Variants in OR51B5 observed in about 807,000 individuals in gnomAD.
OR51B5 encodes olfactory receptor family 51 subfamily B member 5.
For synonymous variants in OR51B5, 186 were observed against 144.8 expected (o/e 1.28, Z -2.04); for missense variants, 456 against 374.6 (o/e 1.22, Z -1.79).
chr11:5,363,687 G>C (rs1415102043), intron 1 of OR51B5, among the ~76,000 whole-genome samples: 2 of 152,108 alleles, frequency 1.3e-5, no homozygotes, highest in Non-Finnish European at 2.9e-5. Flanking sequence ...CTGCCATTTG[G>C]CCATTTGCTT....
intron 1 of OR51B5, among the ~76,000 whole-genome samples, chr11:5,447,417 T>C (rs1268203291): frequency 6.6e-6 from 1 of 152,224 alleles, no homozygotes; most frequent in East Asian, 1.9e-4. Flanking sequence ...TAACCCCACC[T>C]TTGGCTTTCC....
intron 1 of OR51B5, among the ~76,000 whole-genome samples, chr11:5,478,132 C>A (rs955107821): frequency 1.3e-5 from 2 of 151,494 alleles, no homozygotes; most frequent in African/African-American, 2.4e-5. Flanking sequence ...TTGAAGAGAG[C>A]AGTGGTTCTC....
intron 1 of OR51B5, among the ~76,000 whole-genome samples, chr11:5,393,685 T>C (rs575417944): frequency 6.6e-6 from 1 of 152,310 alleles, no homozygotes; most frequent in Admixed American, 6.5e-5. Flanking sequence ...TGAGTACTTT[T>C]TATTTTCATT....
At chr11:5,471,535 C>T (rs1204851615) in intron 1 of OR51B5, among the ~76,000 whole-genome samples, 2 of 151,514 alleles carry the variant, frequency 1.3e-5, no homozygotes, top group African/African-American at 4.9e-5. Flanking sequence ...ACTCGGGAGT[C>T]TGAGGCAGTA....
chr11:5,470,892 C>A (rs1162122689), intron 1 of OR51B5, among the ~76,000 whole-genome samples: 2 of 152,122 alleles, frequency 1.3e-5, no homozygotes, highest in African/African-American at 2.4e-5. Flanking sequence ...CTAATTCATT[C>A]GACACAAAGC....
At chr11:5,445,663 T>A (rs1300081315) in intron 1 of OR51B5, among the ~76,000 whole-genome samples, 1 of 151,414 alleles carries the variant, frequency 6.6e-6, no homozygotes, top group Non-Finnish European at 1.5e-5. Flanking sequence ...AAATATGTTA[T>A]AAACATATTT....
intron 1 of OR51B5, among the ~76,000 whole-genome samples, chr11:5,497,132 G>A (rs924497047): frequency 3.9e-5 from 6 of 152,178 alleles, no homozygotes; most frequent in African/African-American, 1.4e-4. Flanking sequence ...ACTTGAAGAT[G>A]TTTCTCAGCT....
At chr11:5,464,609 C>T (rs1168107127) in intron 1 of OR51B5, among the ~76,000 whole-genome samples, 1 of 151,906 alleles carries the variant, frequency 6.6e-6, no homozygotes, top group African/African-American at 2.4e-5. Context: ...CTACAAAGGA[C>T]ATGAACTCAT....
intron 1 of OR51B5, among the ~76,000 whole-genome samples, chr11:5,395,547 T>G (rs925022652): frequency 2.6e-5 from 4 of 152,198 alleles, no homozygotes; most frequent in African/African-American, 9.6e-5. Flanking sequence ...GTTACTGGGC[T>G]ATGCCTTGTA....
At chr11:5,459,669 A>G (rs1851017218) in intron 1 of OR51B5, among the ~76,000 whole-genome samples, 1 of 152,104 alleles carries the variant, frequency 6.6e-6, no homozygotes, top group African/African-American at 2.4e-5. Context: ...GCAAGTCAAA[A>G]CCACAATGGG....
chr11:5,434,741 A>G (rs1375594394), intron 1 of OR51B5, among the ~76,000 whole-genome samples: 2 of 152,178 alleles, frequency 1.3e-5, no homozygotes, highest in African/African-American at 4.8e-5. Context: ...CCAGAGGGGC[A>G]ATTTCTTCAC....
chr11:5,418,465 G>C (rs1470144894), intron 1 of OR51B5, among the ~76,000 whole-genome samples: 2 of 151,356 alleles, frequency 1.3e-5, no homozygotes, highest in Admixed American at 6.6e-5. Context: ...AACAAAAAAA[G>C]CACCGAACCA....
At chr11:5,423,462 G>A (rs888353900) in intron 1 of OR51B5, among the ~76,000 whole-genome samples, 2 of 152,030 alleles carry the variant, frequency 1.3e-5, no homozygotes, top group East Asian at 1.9e-4. Flanking sequence ...TCTCTCCTAC[G>A]GGCTTGTTTA....
chr11:5,343,352 T>G (rs1303938214), exon 1 of OR51B5: 1 of 1,612,928 alleles, frequency 6.2e-7, no homozygotes, highest in African/African-American at 1.3e-5. Context: ...CAGAAAGAAG[T>G]ACATGGGCTC....
chr11:5,415,378 G>A (rs1191444334), intron 1 of OR51B5, among the ~76,000 whole-genome samples: 3 of 150,842 alleles, frequency 2.0e-5, no homozygotes, highest in Non-Finnish European at 3.0e-5. Flanking sequence ...AGAAAAGCAA[G>A]AGCAAACATA....
chr11:5,458,146 A>ATTT (rs1850989126), intron 1 of OR51B5, among the ~76,000 whole-genome samples: 1 of 152,150 alleles, frequency 6.6e-6, no homozygotes, highest in African/African-American at 2.4e-5. Context: ...ATTTTTGTGT[A>ATTT]TGATGAAAGG....
At chr11:5,504,107 A>T in intron 1 of OR51B5, among the ~76,000 whole-genome samples, 1 of 152,346 alleles carries the variant, frequency 6.6e-6, no homozygotes. Flanking sequence ...TAAAATTAAT[A>T]TTAAATAAAT....
At chr11:5,387,173 A>G (rs549007562) in intron 1 of OR51B5, among the ~76,000 whole-genome samples, 2 of 152,344 alleles carry the variant, frequency 1.3e-5, no homozygotes, top group African/African-American at 4.8e-5. Context: ...AAGAGAGTGC[A>G]TAGAAGCTAT....
At chr11:5,500,264 T>C (rs188437275) in intron 1 of OR51B5, among the ~76,000 whole-genome samples, 2 of 152,356 alleles carry the variant, frequency 1.3e-5, no homozygotes, top group East Asian at 1.9e-4. Context: ...CCATGCTCAC[T>C]AATATCTATC....
Sources: allele counts gnomAD v4.1 joint callset (sites outside exome capture counted in the v4.1 genomes callset), GRCh38; gene constraint gnomAD v4.1.1; transcripts MANE v1.5; gene names NCBI Gene and HGNC (gene_info 2026-07-23, HGNC 2026-07-21).